The following YBX1 variants were observed in gnomAD, a reference collection of about 807,000 sequenced individuals.
YBX1 encodes Y-box binding protein 1.
YBX1 carries 3 observed loss-of-function variants against 41.4 expected under a neutral mutation model. The ratio of observed to expected loss-of-function variants is 0.07; its 90% CI spans 0.03 to 0.19. YBX1 has a LOEUF of 0.19. Ranked by LOEUF, YBX1 falls within the 10% of genes least tolerant of loss-of-function variation. The pLI, the probability that YBX1 is intolerant of heterozygous loss-of-function variation, is 1.00. For missense variants in YBX1, 274 were observed against 462.8 expected, an observed-to-expected ratio of 0.59 and a Z score of 3.74; for synonymous variants, 133 against 165.8, an observed-to-expected ratio of 0.80 and a Z score of 1.52.
chr1:42,683,453 G>T lies in YBX1; in HGVS notation c.217G>T (p.Gly73Cys). The change falls in exon 2 of 8, where the codon GGT becomes TGT. Residue 73 changes from glycine to cysteine, a missense_variant. By Grantham distance (159) the Gly-to-Cys change is radical. Transcript: ENST00000321358. ...VKWFNVRNGY[G>C]FINRNDTKED... ...ATGGTTCAATGTAAGGAACGGATAT[G>T]GTTTCATCAACAGGTGAGCTGCCGG... 1 of 1,613,766 alleles carries T rather than the reference G, an allele frequency of 6.2e-7. No homozygotes were observed. The highest frequency in any genetic ancestry group is 8.5e-7 in the Non-Finnish European group (1 of 1,180,028).
intron 2 of YBX1, among the ~76,000 whole-genome samples, chr1:42,685,501 ATG>A (rs1463902814): frequency 6.6e-6 from 1 of 152,258 alleles, no homozygotes; most frequent in Non-Finnish European, 1.5e-5. Context: ...ATTAAGGAAA[ATG>A]TATGTGATAA....
rs756188112 is a variant in YBX1 at position 42,700,846 on chromosome 1, A to G, written c.806A>G (p.Asp269Gly). The G allele has an allele frequency of 1.7e-5, 28 of 1,613,400 alleles. No individual in the cohort carries two copies. Among genetic ancestry groups the G allele is most frequent in the Non-Finnish European group, 5.1e-6 (6 of 1,179,864 alleles). ...GNEEDKENQG[D>G]ETQGQQPPQR... ...GAAGAAGATAAAGAAAATCAAGGAGATGAGACCCAAGGTCAGCAGCCACCT... is the reference window on the plus strand; with the variant it reads ...GAAGAAGATAAAGAAAATCAAGGAGGTGAGACCCAAGGTCAGCAGCCACCT... The change falls in exon 7 of 8, where the codon GAT becomes GGT. Residue 269 changes from aspartate (D) to glycine (G), a missense_variant. This residue lies in a region of YBX1 where 187 missense variants were observed against 306.3 expected (regional missense o/e 0.61). Transcript: ENST00000321358.
rs769510306 is a variant in YBX1 at position 42,700,943 on chromosome 1, A to G, written c.903A>G (p.Lys301=). The change falls in exon 7 of 8, where the codon AAA becomes AAG. Residue 301 remains lysine (K), a synonymous_variant. Transcript: ENST00000321358. ...RPENPKPQDG[K]ETKAADPPAE... Reference sequence around the variant, plus strand: ...AAAACCCTAAACCACAAGATGGCAAAGAGACAAAAGCAGCCGATCCACCAG... The same window carrying G: ...AAAACCCTAAACCACAAGATGGCAAGGAGACAAAAGCAGCCGATCCACCAG... 3.5e-5 allele frequency: 56 copies of G among 1,614,038 alleles called. No homozygotes were observed. Among genetic ancestry groups the G allele is most frequent in the Admixed American group, 2.2e-4 (13 of 59,992 alleles).
chr1:42,696,511 G>GTC lies in YBX1; in HGVS notation c.355-131_355-130insTC. On this transcript the variant is annotated intron_variant, in intron 4 of 7. Coordinates refer to ENST00000321358, the MANE Select transcript of YBX1 (RefSeq NM_004559.5). This position sits in a 1 kb window ranked among gnomAD's most constrained non-coding sequence, Gnocchi z 5.7. ...TGTGCACCCCTGGTCACGCAGTTGC[G>GTC]CCCCCCCCCCCTTTTTTTTCCTTAA... 1 of 468,072 alleles carries GTC rather than the reference G, an allele frequency of 2.1e-6. No individual in the cohort carries two copies. Among genetic ancestry groups the GTC allele is most frequent in the Non-Finnish European group, 3.4e-6 (1 of 295,630 alleles). 29.0% of individuals were successfully genotyped at this position (468,072 alleles called of 1,614,324 possible).
chr1:42,701,242 C>T (rs543244032), intron 7 of YBX1, among the ~76,000 whole-genome samples, 196 bp downstream of exon 7: 34 of 152,180 alleles, frequency 2.2e-4, no homozygotes, highest in African/African-American at 7.5e-4. Flanking sequence ...ATTTGGCCAC[C>T]CTTCAGCTAG....
chr1:42,702,890 T>G lies in YBX1; in HGVS notation c.*941T>G, dbSNP rs924961407. On this transcript the variant is annotated 3_prime_UTR_variant, in exon 8 of 8. Transcript: ENST00000321358. Reference sequence around the variant, plus strand: ...ATGGAGGTTGGTGAGCTTGTAATTATGTGGTTCTCAACACCTTAAATCCTA... The same window carrying G: ...ATGGAGGTTGGTGAGCTTGTAATTAGGTGGTTCTCAACACCTTAAATCCTA... 9.2e-5 allele frequency among the ~76,000 whole-genome samples: 14 copies of G among 152,322 alleles called. No homozygotes were observed. Among genetic ancestry groups the G allele is most frequent in the Non-Finnish European group, 1.8e-4 (12 of 68,018 alleles).
intron 2 of YBX1, among the ~76,000 whole-genome samples, chr1:42,692,801 A>G (rs1650370892): frequency 6.6e-6 from 1 of 152,214 alleles, no homozygotes; most frequent in South Asian, 2.1e-4. Flanking sequence ...AAAAAGTGAG[A>G]TTATTCTCTA....
intron 2 of YBX1, among the ~76,000 whole-genome samples, chr1:42,692,144 A>G (rs757495223): frequency 1.3e-5 from 2 of 152,104 alleles, no homozygotes; most frequent in Non-Finnish European, 2.9e-5. Context: ...AACTTTAAAT[A>G]CCCTGCCAGG....
chr1:42,700,338 A>G (rs895065451), intron 6 of YBX1, among the ~76,000 whole-genome samples: 2 of 152,108 alleles, frequency 1.3e-5, no homozygotes, highest in African/African-American at 2.4e-5. Flanking sequence ...TAAAAGACTC[A>G]AGCCTGTAAT....
chr1:42,693,350 C>A, intron 2 of YBX1, 140 bp from the exon 3 acceptor site: 1 of 815,496 alleles, frequency 1.2e-6, no homozygotes, highest in Non-Finnish European at 2.0e-6. Flanking sequence ...AAGCAGAGAG[C>A]ATGGTGGCTT....
Position 42,700,765 on chromosome 1 carries a change from A to G in YBX1, c.741-16A>G. Reference sequence around the variant, plus strand: ...GAAGGTTTTATCATTCTTAAGTTTGACACCGTTCATTGCAGGGGCCCTCCT... The same window carrying G: ...GAAGGTTTTATCATTCTTAAGTTTGGCACCGTTCATTGCAGGGGCCCTCCT... On this transcript the variant is annotated splice_polypyrimidine_tract_variant and intron_variant, in intron 6 of 7. Coordinates refer to ENST00000321358, the MANE Select transcript of YBX1 (RefSeq NM_004559.5). 1 of 1,600,216 alleles carries G rather than the reference A, an allele frequency of 6.2e-7. No homozygotes were observed. Among genetic ancestry groups the G allele is most frequent in the Non-Finnish European group, 8.5e-7 (1 of 1,173,768 alleles).
chr1:42,690,247 CTTTT>C (rs201469298), intron 2 of YBX1, among the ~76,000 whole-genome samples: 6 of 143,896 alleles, frequency 4.2e-5, no homozygotes, highest in Non-Finnish European at 7.6e-5. Flanking sequence ...TTTTTCTTTT[CTTTT>C]TTTTTTTTTA....
At chr1:42,697,009 T>G in intron 5 of YBX1, 65 bp downstream of exon 5, 1 of 1,488,636 alleles carries the variant, frequency 6.7e-7, no homozygotes, top group Non-Finnish European at 8.9e-7. Flanking sequence ...AGCTGTTAAT[T>G]ATATGGAAAG....
chr1:42,690,389 T>G (rs767969738), intron 2 of YBX1, among the ~76,000 whole-genome samples: 1 of 152,034 alleles, frequency 6.6e-6, no homozygotes, highest in African/African-American at 2.4e-5. Flanking sequence ...ATAATACAAA[T>G]GGAAAATATT....
At chr1:42,701,569 C>T (rs748768693) in intron 7 of YBX1, among the ~76,000 whole-genome samples, 12 of 150,302 alleles carry the variant, frequency 8.0e-5, no homozygotes, top group African/African-American at 2.0e-4. Flanking sequence ...CGGAAAAAGA[C>T]GAGAGTGTTT....
intron 2 of YBX1, among the ~76,000 whole-genome samples, chr1:42,684,276 G>A (rs1159395506): frequency 1.3e-5 from 2 of 152,248 alleles, no homozygotes; most frequent in East Asian, 3.8e-4. Context: ...ACGTGCAGTA[G>A]ACGCACTGTA....
In YBX1 at chr1:42,697,346, T is replaced by C. The variant is rs1650487118; in HGVS notation, c.740+84T>C. 3.0e-6 allele frequency: 4 copies of C among 1,353,704 alleles called. No homozygotes were observed. In the Admixed American group the frequency reaches 9.0e-5, roughly 30 times the overall value. 83.9% of individuals were successfully genotyped at this position (1,353,704 alleles called of 1,614,324 possible). A position where few individuals can be genotyped will look rare whatever the true frequency, so the allele number is the denominator to read the frequency against. On this transcript the variant is annotated intron_variant, in intron 6 of 7. Coordinates refer to ENST00000321358, the MANE Select transcript of YBX1 (RefSeq NM_004559.5). ...GCAATATCATGCCTCTCCTGCAGAC[T>C]CATTTTTCTGTTAACACTTCACGTT...
At chr1:42,684,555 C>T (rs1650144251) in intron 2 of YBX1, among the ~76,000 whole-genome samples, 1 of 152,166 alleles carries the variant, frequency 6.6e-6, no homozygotes, top group Non-Finnish European at 1.5e-5. Flanking sequence ...GTTCATTAAT[C>T]AATCATAGAG....
At chr1:42,682,792 C>G (rs1268207200) in intron 1 of YBX1, 61 bp downstream of exon 1, 3 of 1,134,044 alleles carry the variant, frequency 2.6e-6, no homozygotes, top group Non-Finnish European at 3.3e-6. Flanking sequence ...GAACCGTTAG[C>G]CGGAGCTGGG....
Sources: gnomAD v4.1 joint callset for allele counts (sites outside exome capture counted in the v4.1 genomes callset) on GRCh38, gnomAD v4.1.1 for gene constraint, gnomAD v4.1.1 regional missense constraint, Gnocchi (gnomAD v3.1) non-coding constraint, MANE v1.5 for transcripts, NCBI Gene and HGNC (gene_info 2026-07-23, HGNC 2026-07-21) for gene names.